The following SLC41A2 variants were observed in gnomAD, a reference collection of about 807,000 sequenced individuals.
SLC41A2 encodes the protein SLC41A1-like 1.
A neutral mutation model predicts 58.3 loss-of-function variants in SLC41A2; 32 were observed. That is an observed-to-expected ratio of 0.55 (90% CI 0.41 to 0.74). SLC41A2 has a LOEUF of 0.74. Ranked by LOEUF, SLC41A2 falls within the 30% of genes least tolerant of loss-of-function variation. The pLI is 0.00. For synonymous variants in SLC41A2, 190 were observed against 235.0 expected, an observed-to-expected ratio of 0.81 and a Z score of 1.75; for missense variants, 514 against 680.6, an observed-to-expected ratio of 0.76 and a Z score of 2.72.
intron 6 of SLC41A2, among the ~76,000 whole-genome samples, chr12:104,881,522 G>T (rs189104183): frequency 1.7e-4 from 26 of 152,170 alleles, no homozygotes; most frequent in Admixed American, 1.4e-3. Context: ...TTATGTCTTT[G>T]GTCTCATTGG....
chr12:104,840,696 C>T (rs1485862648), intron 10 of SLC41A2, among the ~76,000 whole-genome samples: 1 of 152,182 alleles, frequency 6.6e-6, no homozygotes, highest in African/African-American at 2.4e-5. Flanking sequence ...GTGGCCTAAA[C>T]ATCACATAAC....
At chr12:104,884,785 C>T (rs2044574038) in intron 6 of SLC41A2, among the ~76,000 whole-genome samples, 1 of 152,212 alleles carries the variant, frequency 6.6e-6, no homozygotes, top group African/African-American at 2.4e-5. Flanking sequence ...TTCACCAATA[C>T]AGTTAACAGC....
chr12:104,809,366 T>G (rs1409892431), intron 10 of SLC41A2, among the ~76,000 whole-genome samples: 1 of 110,380 alleles, frequency 9.1e-6, no homozygotes, highest in Non-Finnish European at 2.2e-5. Context: ...TGCTATCATT[T>G]TAGCTCTAAC....
intron 2 of SLC41A2, among the ~76,000 whole-genome samples, chr12:104,918,966 A>G (rs1252554605): frequency 6.6e-6 from 1 of 152,172 alleles, no homozygotes; most frequent in Non-Finnish European, 1.5e-5. Flanking sequence ...CATCACCACA[A>G]GGAGCTCTCC....
Position 104,853,911 on chromosome 12 carries a change from A to ATTATTATTTTTTTTTTTTTTTTTTTT in SLC41A2, c.1255+7379_1255+7380insAAAAAAAAAAAAAAAAAAAATAATAA. On this transcript the variant is annotated intron_variant, in intron 8 of 10. Coordinates refer to ENST00000258538, the MANE Select transcript of SLC41A2 (RefSeq NM_001352171.3). ...GGGTGCATGTCACCATGCCTGGCTG[A>ATTATTATTTTTTTTTTTTTTTTTTTT]TTTTTTTTTTTTTTTTTTTTTTTTT... Among the ~76,000 whole-genome samples the ATTATTATTTTTTTTTTTTTTTTTTTT allele has an allele frequency of 8.4e-5, 5 of 59,498 alleles. 2 individuals are homozygous for ATTATTATTTTTTTTTTTTTTTTTTTT. The highest frequency in any genetic ancestry group is 1.0e-3 in the South Asian group (2 of 2,004). The allele number at this position is 59,498 out of a possible 152,430, so 39.0% of individuals were successfully genotyped here.
intron 2 of SLC41A2, among the ~76,000 whole-genome samples, chr12:104,911,122 T>C (rs776092515): frequency 6.6e-6 from 1 of 152,226 alleles, no homozygotes; most frequent in African/African-American, 2.4e-5. Context: ...CAGAAAATCT[T>C]TGAATCCACC....
rs548885880 is a variant in SLC41A2 at position 104,837,812 on chromosome 12, C to A, written c.1536+6660G>T. Reference sequence around the variant, plus strand: ...TATTGGAAACTCACTATGTTCTAGGCACTCTAGCAAGTACTTTATATATAT... The same window carrying A: ...TATTGGAAACTCACTATGTTCTAGGAACTCTAGCAAGTACTTTATATATAT... On this transcript the variant is annotated intron_variant, in intron 10 of 10. Transcript: ENST00000258538. Among the ~76,000 whole-genome samples, 3 of 152,256 alleles carry A rather than the reference C, an allele frequency of 2.0e-5. No individual in the cohort carries two copies. The South Asian group carries it at 6.2e-4, about 32-fold the overall frequency.
At chr12:104,825,052 A>G (rs1592943435) in intron 10 of SLC41A2, among the ~76,000 whole-genome samples, 2 of 152,114 alleles carry the variant, frequency 1.3e-5, no homozygotes, top group East Asian at 3.9e-4. Flanking sequence ...TCTCTCTCAC[A>G]TGGTTTAAAA....
intron 6 of SLC41A2, among the ~76,000 whole-genome samples, chr12:104,881,040 T>C (rs1472216148): frequency 6.6e-6 from 1 of 152,192 alleles, no homozygotes; most frequent in Non-Finnish European, 1.5e-5. Context: ...TGGTTTAGTC[T>C]TGGGAGGGTG....
At chr12:104,809,612 T>C (rs2041084218) in intron 10 of SLC41A2, among the ~76,000 whole-genome samples, 1 of 152,198 alleles carries the variant, frequency 6.6e-6, no homozygotes, top group Non-Finnish European at 1.5e-5. Context: ...CATGAAATAT[T>C]AGAAAGAATC....
chr12:104,948,093 AAGAC>A (rs1335327126), intron 1 of SLC41A2, among the ~76,000 whole-genome samples: 3 of 152,216 alleles, frequency 2.0e-5, no homozygotes, highest in Non-Finnish European at 4.4e-5. Flanking sequence ...TCTTATCTAA[AAGAC>A]AGGCTAATGT....
intron 10 of SLC41A2, among the ~76,000 whole-genome samples, chr12:104,827,633 A>T (rs2041893125): frequency 6.6e-6 from 1 of 152,000 alleles, no homozygotes; most frequent in Non-Finnish European, 1.5e-5. Flanking sequence ...ACTTAACCTT[A>T]TAAAACTTGT....
chr12:104,895,467 T>C (rs914307196), intron 3 of SLC41A2, 122 bp from the exon 4 acceptor site: 7 of 663,826 alleles, frequency 1.1e-5, no homozygotes, highest in Non-Finnish European at 1.8e-5. Flanking sequence ...TGAGCTCACA[T>C]TGTACTTTGA....
intron 10 of SLC41A2, among the ~76,000 whole-genome samples, chr12:104,818,749 C>T (rs958853207): frequency 6.6e-6 from 1 of 152,048 alleles, no homozygotes; most frequent in Non-Finnish European, 1.5e-5. Flanking sequence ...TGGTGGCAAG[C>T]ACCTGTAATC....
intron 1 of SLC41A2, among the ~76,000 whole-genome samples, chr12:104,937,681 T>C (rs570864582): frequency 3.4e-4 from 52 of 152,372 alleles, no homozygotes; most frequent in East Asian, 3.9e-4. Context: ...AGATTCTTGT[T>C]ATCAAAGTGT....
chr12:104,896,590 T>C (rs922817632), intron 3 of SLC41A2, among the ~76,000 whole-genome samples: 12 of 152,196 alleles, frequency 7.9e-5, no homozygotes, highest in Non-Finnish European at 1.6e-4. Flanking sequence ...TCTATATCTG[T>C]AGGAAGCAAT....
intron 8 of SLC41A2, among the ~76,000 whole-genome samples, chr12:104,856,504 C>T (rs1023173330): frequency 2.0e-5 from 3 of 151,916 alleles, no homozygotes; most frequent in African/African-American, 7.3e-5. Context: ...GTAGAAGAGA[C>T]AGAACAGAAG....
intron 2 of SLC41A2, among the ~76,000 whole-genome samples, chr12:104,926,175 T>G (rs529792246): frequency 6.6e-6 from 1 of 152,364 alleles, no homozygotes; most frequent in East Asian, 1.9e-4. Context: ...ATATATCTAA[T>G]AGTTTCCCAG....
chr12:104,837,977 C>G (rs1027721086), intron 10 of SLC41A2, among the ~76,000 whole-genome samples: 1 of 152,156 alleles, frequency 6.6e-6, no homozygotes, highest in Non-Finnish European at 1.5e-5. Context: ...GATATTTCTA[C>G]AATGCTCTGC....
Sources: allele counts gnomAD v4.1 joint callset (sites outside exome capture counted in the v4.1 genomes callset), GRCh38; gene constraint gnomAD v4.1.1; transcripts MANE v1.5; gene names NCBI Gene and HGNC (gene_info 2026-07-23, HGNC 2026-07-21).